FAM114A2: variants seen among roughly 807,000 people sequenced by gnomAD.
The protein encoded by FAM114A2 is family with sequence similarity 114 member A2, also known as protein FAM114A2.
In FAM114A2, 53 loss-of-function variants were observed where a neutral mutation model predicts 58.4. The ratio of observed to expected loss-of-function variants is 0.91; its 90% CI spans 0.73 to 1.14. The LOEUF is 1.14. Among genes scored for constraint, FAM114A2 ranks in the 50% most tolerant of loss-of-function variants. FAM114A2 has a pLI of 0.00. For synonymous variants in FAM114A2, 228 were observed against 211.4 expected, an observed-to-expected ratio of 1.08 and a Z score of -0.68; for missense variants, 601 against 581.1, an observed-to-expected ratio of 1.03 and a Z score of -0.35.
chr5:154,027,188 T>A lies in FAM114A2; in HGVS notation c.777A>T (p.Glu259Asp). ...HLEALEMLSQ[E>D]SEIKVKSILN... is the part of the protein sequence containing the mutation. Reference sequence around the variant, plus strand: ...GGCTTGGAATTACCTTTATTTCACTTTCTTGGGAAAGCATCTCCAGAGCTT... The same window carrying A: ...GGCTTGGAATTACCTTTATTTCACTATCTTGGGAAAGCATCTCCAGAGCTT... Residue 259 changes from glutamate (E) to aspartate (D), a missense_variant, in exon 7 of 14, where the codon GAA (glutamate) becomes GAT (aspartate). Transcript: ENST00000351797. 4 of 1,609,018 alleles carry A rather than the reference T, an allele frequency of 2.5e-6. No homozygotes were observed. The highest frequency in any genetic ancestry group is 3.4e-6 in the Non-Finnish European group (4 of 1,178,542).
intron 11 of FAM114A2, among the ~76,000 whole-genome samples, 191 bp downstream of exon 11, chr5:154,002,060 G>T (rs191891261): frequency 1.7e-4 from 26 of 152,186 alleles, no homozygotes; most frequent in Admixed American, 4.6e-4. Context: ...TTAATAAAAA[G>T]GGCATATTTA....
At chr5:154,026,549 G>T in intron 7 of FAM114A2, 27 bp from the exon 8 acceptor site, 1 of 1,415,794 alleles carries the variant, frequency 7.1e-7, no homozygotes, top group Non-Finnish European at 9.3e-7. Context: ...ACAAAATGTT[G>T]TAGGAGTATG....
chr5:153,994,364 A>T (rs1769427689), intron 13 of FAM114A2, among the ~76,000 whole-genome samples: 1 of 152,218 alleles, frequency 6.6e-6, no homozygotes. Context: ...TAAAACATGG[A>T]ATCCAGAAAA....
intron 9 of FAM114A2, among the ~76,000 whole-genome samples, chr5:154,008,176 G>A (rs1250595889): frequency 1.3e-5 from 2 of 152,124 alleles, no homozygotes; most frequent in African/African-American, 4.8e-5. Flanking sequence ...AAATATATCT[G>A]CTTATCTTTA....
chr5:154,008,796 T>C (rs139731876), intron 9 of FAM114A2, among the ~76,000 whole-genome samples: 153 of 152,274 alleles, frequency 1.0e-3, no homozygotes, highest in African/African-American at 3.4e-3. Flanking sequence ...CAATCTATAG[T>C]ATAGGCAAAG....
Position 154,027,254 on chromosome 5 carries a change from A to G in FAM114A2, c.711T>C (p.Tyr237=). 1 of 1,613,502 alleles carries G rather than the reference A, an allele frequency of 6.2e-7. No homozygotes were observed. Among genetic ancestry groups the G allele is most frequent in the Non-Finnish European group, 8.5e-7 (1 of 1,179,484 alleles). ...CTTGAAATTCATCAAAGAGTAGCCC[A>G]TAATGAGTTTTCTTGTCTGTTTCCA... ...VTVETDKKTH[Y]GLLFDEFQGL... Residue 237 remains tyrosine, a synonymous_variant, in exon 7 of 14, where the codon TAT becomes TAC. Transcript: ENST00000351797.
intron 8 of FAM114A2, among the ~76,000 whole-genome samples, chr5:154,023,229 T>C (rs1771547928): frequency 6.6e-6 from 1 of 152,144 alleles, no homozygotes; most frequent in African/African-American, 2.4e-5. Context: ...GGCACATGTA[T>C]ACATACGTAA....
At chr5:153,994,148 G>T (rs1175270154) in intron 13 of FAM114A2, among the ~76,000 whole-genome samples, 2 of 152,146 alleles carry the variant, frequency 1.3e-5, no homozygotes, top group Non-Finnish European at 2.9e-5. Context: ...TGTAATTAAA[G>T]AATTAAAATC....
chr5:154,014,581 T>C (rs993632656), intron 8 of FAM114A2, among the ~76,000 whole-genome samples: 1 of 152,134 alleles, frequency 6.6e-6, no homozygotes, highest in African/African-American at 2.4e-5. Flanking sequence ...AATCTGACCT[T>C]ACTGGAGCTG....
intron 9 of FAM114A2, among the ~76,000 whole-genome samples, chr5:154,005,363 A>G (rs1770282103): frequency 6.6e-6 from 1 of 152,184 alleles, no homozygotes; most frequent in Admixed American, 6.5e-5. Context: ...CCACAGAGTA[A>G]GTGGTGCATA....
At chr5:154,006,736 A>G (rs1056423683) in intron 9 of FAM114A2, among the ~76,000 whole-genome samples, 1 of 152,096 alleles carries the variant, frequency 6.6e-6, no homozygotes, top group Non-Finnish European at 1.5e-5. Flanking sequence ...AGAAAAATGG[A>G]GAGTGATAGA....
intron 10 of FAM114A2, 140 bp downstream of exon 10, chr5:154,002,707 T>C: frequency 2.2e-6 from 2 of 891,644 alleles, no homozygotes; most frequent in Non-Finnish European, 3.5e-6. Flanking sequence ...AATCTTATAG[T>C]CTGGATCTAA....
rs58561538 is a variant in FAM114A2 at position 153,991,692 on chromosome 5, ATTTTTTTT to A, written c.*1276_*1283del. The A allele has an allele frequency of 7.7e-6, 1 of 129,134 alleles. No individual in the cohort carries two copies. Among genetic ancestry groups the A allele is most frequent in the African/African-American group, 2.8e-5 (1 of 35,274 alleles). The allele number at this position is 129,134 out of a possible 1,614,324, so 8.0% of individuals were successfully genotyped here. ...ATCTATGTTATGGCTTTGCTTTGCT[ATTTTTTTT>A]TTTTTTTTTTGGTCTAAGTAAGATA... On this transcript the variant is annotated 3_prime_UTR_variant, in exon 14 of 14. Coordinates refer to ENST00000351797, the MANE Select transcript of FAM114A2 (RefSeq NM_018691.4).
Position 154,016,343 on chromosome 5 carries a change from A to G in FAM114A2, c.914-5023T>C, listed in dbSNP as rs201857017. Among the ~76,000 whole-genome samples, 296 of 152,312 alleles carry G rather than the reference A, an allele frequency of 1.9e-3. 5 individuals are homozygous for G. The East Asian group carries it at 0.05, about 26-fold the overall frequency. ...GTTATCTAAAGTTAAGACAAGGGAA[A>G]GAATCTCAAGCTGTGATACAGAAGC... On this transcript the variant is annotated intron_variant, in intron 8 of 13. Coordinates refer to ENST00000351797, the MANE Select transcript of FAM114A2 (RefSeq NM_018691.4).
chr5:153,999,996 C>T (rs1769867886), intron 11 of FAM114A2, among the ~76,000 whole-genome samples: 1 of 151,876 alleles, frequency 6.6e-6, no homozygotes, highest in African/African-American at 2.4e-5. Context: ...TACACACACA[C>T]ATATAATGGA....
rs1771857124 is a variant in FAM114A2 at position 154,027,311 on chromosome 5, T to C, written c.654A>G (p.Lys218=). 1.2e-6 allele frequency: 2 copies of C among 1,612,312 alleles called. No homozygotes were observed. The highest frequency in any genetic ancestry group is 1.7e-5 in the Admixed American group (1 of 59,592). ...CCTCATTGGAGGTCCGTATCTCTTC[T>C]TTCTCCTTCGCCTCTCGTAAAACCT... The part of the protein sequence containing the change: ...LSQVLREAKE[K]EEIRTSNEVT... The change falls in exon 7 of 14, where the codon AAA becomes AAG. Residue 218 remains lysine (K), a synonymous_variant. Coordinates refer to ENST00000351797, the MANE Select transcript of FAM114A2 (RefSeq NM_018691.4).
At chr5:154,029,849 A>G (rs1173508320) in intron 4 of FAM114A2, among the ~76,000 whole-genome samples, 1 of 152,236 alleles carries the variant, frequency 6.6e-6, no homozygotes, top group Non-Finnish European at 1.5e-5. Context: ...TTCCAATTAT[A>G]TAATCTTCTG....
At position 153,994,836 on chromosome 5, in the gene FAM114A2, A is replaced by T. The variant is rs549359644; in HGVS notation, c.1383+83T>A. The T allele has an allele frequency of 1.8e-5, 16 of 873,534 alleles. No homozygotes were observed. In the African/African-American group the frequency reaches 2.5e-4, roughly 14 times the overall value. 54.1% of individuals were successfully genotyped at this position (873,534 alleles called of 1,614,324 possible). ...AAACTACCAATATGGTGAATAAAATAAAAAAGCCAAAAGCAAAAGGCTTCA... is the reference window on the plus strand; with the variant it reads ...AAACTACCAATATGGTGAATAAAATTAAAAAGCCAAAAGCAAAAGGCTTCA... On this transcript the variant is annotated intron_variant, in intron 13 of 13. Transcript: ENST00000351797.
intron 4 of FAM114A2, among the ~76,000 whole-genome samples, chr5:154,031,417 C>T (rs1390911403): frequency 7.0e-6 from 1 of 142,146 alleles, no homozygotes; most frequent in Non-Finnish European, 1.5e-5. Flanking sequence ...AGGAAGAAAA[C>T]AAAATCCCTA....
Sources: allele counts gnomAD v4.1 joint callset (sites outside exome capture counted in the v4.1 genomes callset), GRCh38; gene constraint gnomAD v4.1.1; transcripts MANE v1.5; gene names NCBI Gene and HGNC (gene_info 2026-07-23, HGNC 2026-07-21).